Variants in CDCA8 observed in about 807,000 individuals in gnomAD.
CDCA8 encodes borealin.
In CDCA8, 25 loss-of-function variants were observed where a neutral mutation model predicts 40.0. The observed-to-expected ratio is 0.63, with a 90% CI of 0.46 to 0.87. CDCA8 has a LOEUF of 0.87. CDCA8 is among the 40% of genes least tolerant of loss of function. The probability of loss-of-function intolerance (pLI) is 0.00; values close to 1 mark genes in which losing one functional copy is unlikely to be tolerated. For missense variants in CDCA8, 280 were observed against 348.4 expected, an observed-to-expected ratio of 0.80 and a Z score of 1.56; for synonymous variants, 111 against 126.5, an observed-to-expected ratio of 0.88 and a Z score of 0.82.
intron 4 of CDCA8, among the ~76,000 whole-genome samples, 184 bp downstream of exon 4, chr1:37,699,161 A>G (rs1454719610): frequency 2.0e-5 from 3 of 152,298 alleles, no homozygotes; most frequent in East Asian, 1.9e-4. Context: ...CCCGAACAGC[A>G]ATTCAAACCA....
chr1:37,706,960 A>C lies in CDCA8; in HGVS notation c.712-18A>C. On this transcript the variant is annotated intron_variant, in intron 8 of 9. Transcript: ENST00000373055. ...CTAAGGGCCATGGCCAGTTTAACCC[A>C]CTCCCCTTTCTATTCAGAGCCTGCG... 1 of 1,608,758 alleles carries C rather than the reference A, an allele frequency of 6.2e-7. No homozygotes were observed.
chr1:37,701,030 C>G (rs893588339), intron 5 of CDCA8, among the ~76,000 whole-genome samples: 7 of 152,136 alleles, frequency 4.6e-5, no homozygotes, highest in Non-Finnish European at 8.8e-5. Flanking sequence ...GGGTGCTGGA[C>G]TGGGGGTGGT....
In CDCA8 at chr1:37,692,588, TG is replaced by T; in HGVS notation, c.-101del. On this transcript the variant is annotated 5_prime_UTR_variant, in exon 1 of 10. Coordinates refer to ENST00000373055, the MANE Select transcript of CDCA8 (RefSeq NM_001256875.2). ...TGTCTCGGGACCGCAGGTACGTGCCTGGCGACTTCTTCGGGTGGTCCCCGTC... is the reference window on the plus strand; with the variant it reads ...TGTCTCGGGACCGCAGGTACGTGCCTGCGACTTCTTCGGGTGGTCCCCGTC... 1.1e-6 allele frequency: 1 copy of T among 887,664 alleles called. No individual in the cohort carries two copies. The highest frequency in any genetic ancestry group is 1.8e-6 in the Non-Finnish European group (1 of 545,812). The allele number at this position is 887,664 out of a possible 1,614,324, so 55.0% of individuals were successfully genotyped here. A position where few individuals can be genotyped will look rare whatever the true frequency, so the allele number is the denominator to read the frequency against.
intron 7 of CDCA8, among the ~76,000 whole-genome samples, chr1:37,704,633 CCACTTTTTT>C (rs1645586462): frequency 1.4e-5 from 2 of 140,876 alleles, no homozygotes; most frequent in African/African-American, 5.2e-5. Flanking sequence ...CTTTTAATTG[CCACTTTTTT>C]TTTTTTTTTT....
intron 7 of CDCA8, among the ~76,000 whole-genome samples, chr1:37,704,308 T>C (rs1401020493): frequency 6.6e-6 from 1 of 152,150 alleles, no homozygotes; most frequent in African/African-American, 2.4e-5. Flanking sequence ...TACTGCTTTT[T>C]TGGAGGCTGG....
chr1:37,704,329 G>A (rs1251007150), intron 7 of CDCA8, among the ~76,000 whole-genome samples: 1 of 152,158 alleles, frequency 6.6e-6, no homozygotes, highest in African/African-American at 2.4e-5. Context: ...CATAAGCGAG[G>A]ATATTCTTGC....
In CDCA8 at chr1:37,692,623, T is replaced by G; in HGVS notation, c.-68T>G. On this transcript the variant is annotated 5_prime_UTR_variant, in exon 1 of 10. Transcript: ENST00000373055. ...TTCGGGTGGTCCCCGTCCGCCCTCC[T>G]CGTCCCTACCCAGTTTCTTGCTTCC... 1 of 1,307,090 alleles carries G rather than the reference T, an allele frequency of 7.7e-7. No individual in the cohort carries two copies. Among genetic ancestry groups the G allele is most frequent in the Non-Finnish European group, 1.1e-6 (1 of 918,890 alleles). The allele number at this position is 1,307,090 out of a possible 1,614,324, so 81.0% of individuals were successfully genotyped here. A position where few individuals can be genotyped will look rare whatever the true frequency, so the allele number is the denominator to read the frequency against.
At position 37,700,522 on chromosome 1, in the gene CDCA8, G is replaced by A; in HGVS notation, c.423+1G>A. 1 of 1,585,856 alleles carries A rather than the reference G, an allele frequency of 6.3e-7. No homozygotes were observed. Among genetic ancestry groups the A allele is most frequent in the Non-Finnish European group, 8.7e-7 (1 of 1,154,418 alleles). ...ACGTAAGAATCTTCAAACTGCAAGA[G>A]TAAGTGGACACTGAGGTTGGAGGCT... On this transcript the variant is annotated splice_donor_variant, in intron 5 of 9. Transcript: ENST00000373055. LOFTEE classifies it high-confidence loss of function.
intron 7 of CDCA8, 106 bp downstream of exon 7, chr1:37,703,453 C>T (rs1285988746): frequency 1.1e-5 from 9 of 833,420 alleles, no homozygotes; most frequent in Admixed American, 3.7e-5. Context: ...CGGTAGCTCA[C>T]GCCTGTAATA....
At chr1:37,699,003 T>A (rs1645544566) in intron 4 of CDCA8, 26 bp downstream of exon 4, 8 of 1,535,682 alleles carry the variant, frequency 5.2e-6, no homozygotes. Flanking sequence ...AACTCCTTGT[T>A]GTACAGAAAG....
intron 2 of CDCA8, among the ~76,000 whole-genome samples, chr1:37,693,399 A>ATT (rs34875507): frequency 1.3e-5 from 2 of 151,892 alleles, no homozygotes; most frequent in Admixed American, 6.6e-5. Flanking sequence ...AATTTATTTA[A>ATT]TTTTTTTTAA....
At chr1:37,693,427 C>G (rs942667205) in intron 2 of CDCA8, among the ~76,000 whole-genome samples, 2 of 152,168 alleles carry the variant, frequency 1.3e-5, no homozygotes, top group Non-Finnish European at 2.9e-5. Flanking sequence ...CTCACTCTGT[C>G]ACCCAGGCTG....
chr1:37,705,655 C>G, intron 8 of CDCA8, 88 bp downstream of exon 8: 1 of 1,504,826 alleles, frequency 6.6e-7, no homozygotes, highest in East Asian at 2.3e-5. Context: ...GCTTCACCCT[C>G]AGAGTCCTTT....
chr1:37,707,706 GC>G (rs1310424258), intron 9 of CDCA8, among the ~76,000 whole-genome samples: 2 of 152,222 alleles, frequency 1.3e-5, no homozygotes. Flanking sequence ...TGTAATCCCT[GC>G]AGCTCAGGAG....
rs769406879 is a variant in CDCA8 at position 37,695,871 on chromosome 1, T to G, written c.224-39T>G. 3.1e-6 allele frequency: 5 copies of G among 1,591,654 alleles called. No homozygotes were observed. In the East Asian group the frequency reaches 1.1e-4, roughly 36 times the overall value. On this transcript the variant is annotated intron_variant, in intron 2 of 9. Transcript: ENST00000373055. ...GGTACTATTAGGCAAGATGATTTAT[T>G]GTTAAAATGTAATAGTAACTACAAC...
intron 3 of CDCA8, among the ~76,000 whole-genome samples, chr1:37,697,148 C>T (rs368446806): frequency 2.0e-5 from 3 of 152,178 alleles, no homozygotes; most frequent in East Asian, 1.9e-4. Context: ...CAGAAAGGAA[C>T]GATAGAAAAT....
intron 5 of CDCA8, among the ~76,000 whole-genome samples, chr1:37,701,549 T>C (rs529880923): frequency 6.6e-6 from 1 of 152,228 alleles, no homozygotes; most frequent in Admixed American, 6.5e-5. Flanking sequence ...TCCTCTATTT[T>C]GAAAACCCAG....
rs1645607846 is a variant in CDCA8 at position 37,707,193 on chromosome 1, A to G, written c.798+129A>G. On this transcript the variant is annotated intron_variant, in intron 9 of 9. Coordinates refer to ENST00000373055, the MANE Select transcript of CDCA8 (RefSeq NM_001256875.2). ...AAATTTGTGTTGTCTTCCTTCCCCC[A>G]AGAGATTTTGACTCTTACCCTACTT... The G allele has an allele frequency of 1.2e-5, 8 of 669,930 alleles. No homozygotes were observed. The South Asian group carries it at 1.5e-4, about 13-fold the overall frequency. The allele number at this position is 669,930 out of a possible 1,614,324, so 41.5% of individuals were successfully genotyped here. A position where few individuals can be genotyped will look rare whatever the true frequency, so the allele number is the denominator to read the frequency against.
Position 37,708,549 on chromosome 1 carries a change from T to A in CDCA8, c.*183T>A, listed in dbSNP as rs41308252. 116 of 618,414 alleles carry A rather than the reference T, an allele frequency of 1.9e-4. No individual in the cohort carries two copies. Among genetic ancestry groups the A allele is most frequent in the Non-Finnish European group, 1.3e-4 (44 of 344,192 alleles). The allele number at this position is 618,414 out of a possible 1,614,324, so 38.3% of individuals were successfully genotyped here. A position where few individuals can be genotyped will look rare whatever the true frequency, so the allele number is the denominator to read the frequency against. ...GTTAGGTAGAGCTGTCTGTTCACCC[T>A]CCCATCCCAGCTGATCCCAGTCACT... On this transcript the variant is annotated 3_prime_UTR_variant, in exon 10 of 10. Transcript: ENST00000373055.
Sources: gnomAD v4.1 joint callset for allele counts (sites outside exome capture counted in the v4.1 genomes callset) on GRCh38, gnomAD v4.1.1 for gene constraint, MANE v1.5 for transcripts, NCBI Gene and HGNC (gene_info 2026-07-23, HGNC 2026-07-21) for gene names.